The following PCDHA8 variants were observed in gnomAD, a reference collection of about 807,000 sequenced individuals.
The protein encoded by PCDHA8 is protocadherin alpha 8.
Under a neutral mutation model 61.8 loss-of-function variants are expected in PCDHA8, and 53 were observed. The observed-to-expected ratio is 0.86, with a 90% CI of 0.69 to 1.08. PCDHA8 has a LOEUF of 1.08. Among genes scored for constraint, PCDHA8 ranks in the 50% least tolerant of loss-of-function variants. PCDHA8 has a pLI of 0.00. For synonymous variants in PCDHA8, 618 were observed against 556.6 expected, an observed-to-expected ratio of 1.11 and a Z score of -1.55; for missense variants, 1,293 against 1,245.0, an observed-to-expected ratio of 1.04 and a Z score of -0.58.
chr5:140,913,526 A>T (rs1171997127), intron 1 of PCDHA8, among the ~76,000 whole-genome samples: 1 of 151,968 alleles, frequency 6.6e-6, no homozygotes, highest in Non-Finnish European at 1.5e-5. Flanking sequence ...TTATCTTTTC[A>T]AAAGATTGAC....
intron 1 of PCDHA8, among the ~76,000 whole-genome samples, chr5:140,885,056 C>T (rs1554181973): frequency 6.6e-6 from 1 of 152,106 alleles, no homozygotes; most frequent in East Asian, 1.9e-4. Flanking sequence ...TATACATATA[C>T]CCACAAGATA....
At chr5:140,862,719 C>A (rs2047508176) in intron 1 of PCDHA8, 3 of 565,388 alleles carry the variant, frequency 5.3e-6, no homozygotes, top group Admixed American at 1.9e-5. Context: ...TGGGCGAGTG[C>A]GCGCTGTCTA....
intron 1 of PCDHA8, among the ~76,000 whole-genome samples, chr5:140,887,165 C>T (rs1451761224): frequency 1.3e-5 from 2 of 151,306 alleles, no homozygotes; most frequent in Non-Finnish European, 2.9e-5. Flanking sequence ...GGCGTGATCT[C>T]GGCTCACTGC....
chr5:140,871,184 A>T, intron 1 of PCDHA8: 1 of 1,613,552 alleles, frequency 6.2e-7, no homozygotes, highest in Non-Finnish European at 8.5e-7. Flanking sequence ...GCGCTGGTGG[A>T]TGTCAACGTG....
intron 1 of PCDHA8, among the ~76,000 whole-genome samples, chr5:140,916,329 T>C (rs1554197398): frequency 6.6e-6 from 1 of 152,178 alleles, no homozygotes; most frequent in African/African-American, 2.4e-5. Context: ...TCCCCTTTAC[T>C]TTTTCCTCTG....
intron 1 of PCDHA8, chr5:140,867,464 C>A (rs1358869562): frequency 6.6e-6 from 1 of 151,874 alleles, no homozygotes; most frequent in Non-Finnish European, 1.5e-5. Context: ...AGTGTTATGA[C>A]AACATTGGGA....
intron 1 of PCDHA8, among the ~76,000 whole-genome samples, chr5:140,900,519 T>G (rs1264399196): frequency 6.6e-6 from 1 of 152,224 alleles, no homozygotes; most frequent in East Asian, 1.9e-4. Flanking sequence ...TCAGGTGATC[T>G]GCCCACCTCG....
chr5:140,882,352 T>A, intron 1 of PCDHA8: 1 of 1,614,166 alleles, frequency 6.2e-7, no homozygotes, highest in Non-Finnish European at 8.5e-7. Context: ...AGACGGGTAG[T>A]GGCCAGCTCC....
In PCDHA8 at chr5:140,870,564, G is replaced by A. The variant is rs782511789; in HGVS notation, c.2394+26849G>A. ...GGGACGCGGACGCGCAGGAGAACGCGCTGGTGTCCTACTCGCTGGTGGAGC... is the reference window on the plus strand; with the variant it reads ...GGGACGCGGACGCGCAGGAGAACGCACTGGTGTCCTACTCGCTGGTGGAGC... On this transcript the variant is annotated intron_variant, in intron 1 of 3. Coordinates refer to ENST00000531613, the MANE Select transcript of PCDHA8 (RefSeq NM_018911.3). 2.5e-6 allele frequency: 4 copies of A among 1,613,884 alleles called. No individual in the cohort carries two copies. In the African/African-American group the frequency reaches 4.0e-5, roughly 16 times the overall value.
chr5:140,858,371 C>G, intron 1 of PCDHA8: 1 of 1,588,766 alleles, frequency 6.3e-7, no homozygotes, highest in Non-Finnish European at 8.6e-7. Context: ...CCCCAGCCTT[C>G]CACCATGCCC....
intron 1 of PCDHA8, chr5:140,859,527 A>T (rs1435954408): frequency 5.2e-6 from 1 of 191,864 alleles, no homozygotes; most frequent in African/African-American, 2.4e-5. Flanking sequence ...TTTTAAAAAA[A>T]ATTTATTAAT....
At chr5:140,867,519 G>T (rs1028879679) in intron 1 of PCDHA8, 3 of 152,018 alleles carry the variant, frequency 2.0e-5, no homozygotes, top group Admixed American at 1.3e-4. Context: ...CAAATTAATA[G>T]TTGAATATAT....
intron 1 of PCDHA8, among the ~76,000 whole-genome samples, chr5:140,935,507 G>A (rs2090409706): frequency 6.6e-6 from 1 of 152,138 alleles, no homozygotes. Context: ...CCTTACAAAT[G>A]CCCAGTAGGC....
At chr5:140,976,491 C>T (rs1478947639) in intron 1 of PCDHA8, among the ~76,000 whole-genome samples, 2 of 152,172 alleles carry the variant, frequency 1.3e-5, no homozygotes, top group East Asian at 1.9e-4. Context: ...GCAGAGGTTG[C>T]AGGGAGCCAA....
intron 1 of PCDHA8, chr5:140,858,035 A>T: frequency 6.3e-7 from 1 of 1,597,220 alleles, no homozygotes; most frequent in East Asian, 2.2e-5. Context: ...GGCCACGGCC[A>T]CTGTGCTTGT....
In PCDHA8 at chr5:141,010,661, C is replaced by T. The variant is rs1331706826; in HGVS notation, c.*724C>T. ...AACAGTTCAGTGTTTTAACAGAGAA[C>T]CACCCTGGGAAACAGAAGCAGATCT... On this transcript the variant is annotated 3_prime_UTR_variant, in exon 4 of 4. Transcript: ENST00000531613. 6.0e-6 allele frequency: 1 copy of T among 166,290 alleles called. No homozygotes were observed. Among genetic ancestry groups the T allele is most frequent in the Non-Finnish European group, 1.3e-5 (1 of 76,066 alleles). 10.3% of individuals were successfully genotyped at this position (166,290 alleles called of 1,614,324 possible).
chr5:140,850,804 T>C lies in PCDHA8; in HGVS notation c.2394+7089T>C, dbSNP rs2150498986. ...GAGGGTAAGCAGAAGACCGACCTCA[T>C]GGCCTTCAGCCCGGGCCTTTCTCCT... On this transcript the variant is annotated intron_variant, in intron 1 of 3. Transcript: ENST00000531613. The C allele has an allele frequency of 3.1e-6, 5 of 1,598,410 alleles. No homozygotes were observed. The East Asian group carries it at 1.1e-4, about 36-fold the overall frequency.
At chr5:140,846,011 AAAAGTTATTAC>A (rs1554141096) in intron 1 of PCDHA8, among the ~76,000 whole-genome samples, 1 of 149,770 alleles carries the variant, frequency 6.7e-6, no homozygotes, top group Non-Finnish European at 1.5e-5. Flanking sequence ...AAAAAAATCT[AAAAGTTATTAC>A]GAGTTTAGGA....
At chr5:140,882,860 A>G in intron 1 of PCDHA8, 1 of 1,614,218 alleles carries the variant, frequency 6.2e-7, no homozygotes, top group Non-Finnish European at 8.5e-7. Context: ...TGTACTGAGG[A>G]AAACACTGGA....
Sources: gnomAD v4.1 joint callset for allele counts (sites outside exome capture counted in the v4.1 genomes callset) on GRCh38, gnomAD v4.1.1 for gene constraint, MANE v1.5 for transcripts, NCBI Gene and HGNC (gene_info 2026-07-23, HGNC 2026-07-21) for gene names.